The following XKR6 variants were observed in gnomAD, a reference collection of about 807,000 sequenced individuals.
XKR6 encodes the protein XK related 6.
In XKR6, 22 loss-of-function variants were observed where a neutral mutation model predicts 56.7. The ratio of observed to expected loss-of-function variants is 0.39; its 90% CI spans 0.28 to 0.55. The LOEUF is 0.55. Among genes scored for constraint, XKR6 ranks in the 20% least tolerant of loss-of-function variants. The probability of loss-of-function intolerance (pLI) is 0.66; values close to 1 mark genes in which losing one functional copy is unlikely to be tolerated. For missense variants in XKR6, 852 were observed against 889.0 expected (o/e 0.96, Z 0.53); for synonymous variants, 524 against 387.8 (o/e 1.35, Z -4.13).
intron 1 of XKR6, among the ~76,000 whole-genome samples, chr8:10,932,512 T>G (rs1801083744): frequency 6.9e-6 from 1 of 143,978 alleles, no homozygotes; most frequent in Non-Finnish European, 1.5e-5. Flanking sequence ...GCCATGCCGG[T>G]GCGCTGCACC....
At chr8:11,104,445 G>A (rs1222884581) in intron 1 of XKR6, among the ~76,000 whole-genome samples, 1 of 152,224 alleles carries the variant, frequency 6.6e-6, no homozygotes, top group Non-Finnish European at 1.5e-5. Flanking sequence ...TATAAAAATG[G>A]GTATTCAGCA....
intron 1 of XKR6, among the ~76,000 whole-genome samples, chr8:11,088,500 T>G (rs1307979575): frequency 6.6e-6 from 1 of 152,196 alleles, no homozygotes; most frequent in African/African-American, 2.4e-5. Flanking sequence ...AAATCATACC[T>G]GAAGTACACG....
chr8:11,099,146 A>C (rs1039333561), intron 1 of XKR6, among the ~76,000 whole-genome samples: 4 of 152,074 alleles, frequency 2.6e-5, no homozygotes, highest in South Asian at 2.1e-4. Flanking sequence ...ACCCTATTAC[A>C]GCTCCCGCTC....
intron 1 of XKR6, among the ~76,000 whole-genome samples, chr8:10,963,809 G>C (rs1381485539): frequency 6.6e-6 from 1 of 152,178 alleles, no homozygotes; most frequent in Non-Finnish European, 1.5e-5. Context: ...CTCCCAAAGT[G>C]CTGAGATTCC....
chr8:11,072,531 G>T (rs1209551559), intron 1 of XKR6, among the ~76,000 whole-genome samples: 2 of 152,206 alleles, frequency 1.3e-5, no homozygotes, highest in Non-Finnish European at 2.9e-5. Flanking sequence ...ACTTGCCCAA[G>T]GTCATGCATC....
chr8:11,145,083 C>G (rs1800915479), intron 1 of XKR6, among the ~76,000 whole-genome samples: 1 of 151,274 alleles, frequency 6.6e-6, no homozygotes, highest in African/African-American at 2.4e-5. Flanking sequence ...CTGAGTATCT[C>G]TAATCTGAAA....
At chr8:11,190,925 C>A (rs1207843061) in intron 1 of XKR6, among the ~76,000 whole-genome samples, 1 of 152,136 alleles carries the variant, frequency 6.6e-6, no homozygotes, top group Non-Finnish European at 1.5e-5. Context: ...AATATAGTTT[C>A]CTTTCCTCCT....
intron 1 of XKR6, among the ~76,000 whole-genome samples, chr8:11,046,178 T>C (rs573249098): frequency 6.6e-6 from 1 of 152,230 alleles, no homozygotes; most frequent in South Asian, 2.1e-4. Context: ...GTGGGCAGAT[T>C]GCTTGGGGCC....
intron 1 of XKR6, among the ~76,000 whole-genome samples, chr8:10,932,289 CA>C (rs1183253611): frequency 6.6e-6 from 1 of 152,214 alleles, no homozygotes; most frequent in Non-Finnish European, 1.5e-5. Flanking sequence ...CTCTGGAAAA[CA>C]GTGGACAGTC....
chr8:10,995,690 C>T (rs1321887347), intron 1 of XKR6, among the ~76,000 whole-genome samples: 3 of 114,470 alleles, frequency 2.6e-5, no homozygotes, highest in African/African-American at 1.5e-4. Context: ...CCTATCTCCC[C>T]ACCAAAAAAA....
intron 1 of XKR6, among the ~76,000 whole-genome samples, chr8:11,057,994 T>C (rs867943929): frequency 5.3e-5 from 8 of 152,266 alleles, no homozygotes; most frequent in Non-Finnish European, 1.0e-4. Flanking sequence ...CATATGTCTG[T>C]GGCACATGTG....
rs5889356 is a variant in XKR6, at chr8:11,045,075, CTTTTTTTTTTTTTTT to C, written c.765-120260_765-120246del. Among the ~76,000 whole-genome samples the C allele has an allele frequency of 9.5e-3, 341 of 36,062 alleles. 3 individuals are homozygous for C. The highest frequency in any genetic ancestry group is 0.032 in the African/African-American group (314 of 9,928). 23.7% of individuals were successfully genotyped at this position (36,062 alleles called of 152,430 possible). On this transcript the variant is annotated intron_variant, in intron 1 of 2. Transcript: ENST00000416569. ...TTACCATTTCCACCCTCAAATCACT[CTTTTTTTTTTTTTTT>C]TTTTTTTTTTTTTTTTGAGGAAGTG...
intron 1 of XKR6, among the ~76,000 whole-genome samples, chr8:11,116,695 A>G (rs986826674): frequency 6.6e-6 from 1 of 152,168 alleles, no homozygotes; most frequent in African/African-American, 2.4e-5. Flanking sequence ...CGTTGGCAAG[A>G]ACTAAAAGCA....
At chr8:11,197,331 CT>C (rs751868304) in intron 1 of XKR6, among the ~76,000 whole-genome samples, 46 of 152,182 alleles carry the variant, frequency 3.0e-4, no homozygotes, top group Non-Finnish European at 5.1e-4. Context: ...TGACAATGCA[CT>C]AAGCAACCTC....
intron 2 of XKR6, among the ~76,000 whole-genome samples, chr8:10,921,024 T>G (rs780415767): frequency 2.0e-5 from 3 of 152,264 alleles, no homozygotes; most frequent in Non-Finnish European, 2.9e-5. Flanking sequence ...AAGAGCAGCA[T>G]GACACTGGGT....
At chr8:11,037,614 C>G (rs1799178424) in intron 1 of XKR6, among the ~76,000 whole-genome samples, 1 of 152,322 alleles carries the variant, frequency 6.6e-6, no homozygotes, top group African/African-American at 2.4e-5. Context: ...AATCCCAGCA[C>G]TTTGGGAAGC....
At chr8:11,010,174 A>C (rs1798467656) in intron 1 of XKR6, among the ~76,000 whole-genome samples, 1 of 152,144 alleles carries the variant, frequency 6.6e-6, no homozygotes, top group Non-Finnish European at 1.5e-5. Flanking sequence ...GAAGAGAGAG[A>C]AGCAGGAGGT....
intron 1 of XKR6, among the ~76,000 whole-genome samples, chr8:11,061,482 T>C (rs972023150): frequency 3.3e-5 from 5 of 151,004 alleles, no homozygotes; most frequent in African/African-American, 1.2e-4. Flanking sequence ...AAAAAAAAAA[T>C]TTCTGAACCA....
chr8:11,144,778 T>G (rs547206600), intron 1 of XKR6, among the ~76,000 whole-genome samples: 1 of 151,482 alleles, frequency 6.6e-6, no homozygotes, highest in Admixed American at 6.6e-5. Context: ...GTAAGATAAT[T>G]AAAGTCCTCA....
Sources: gnomAD v4.1 joint callset for allele counts (sites outside exome capture counted in the v4.1 genomes callset) on GRCh38, gnomAD v4.1.1 for gene constraint, MANE v1.5 for transcripts, NCBI Gene and HGNC (gene_info 2026-07-23, HGNC 2026-07-21) for gene names.